COG5: variants seen among roughly 807,000 people sequenced by gnomAD.
COG5 encodes component of oligomeric golgi complex 5, also known as conserved oligomeric Golgi complex subunit 5.
A neutral mutation model predicts 110.4 loss-of-function variants in COG5; 86 were observed. The observed-to-expected ratio is 0.78, with a 90% confidence interval of 0.65 to 0.93. The LOEUF (loss-of-function observed/expected upper bound fraction) is 0.93. COG5 is among the 40% of genes least tolerant of loss of function. COG5 has a pLI of 0.00. For missense variants in COG5, 1,077 were observed against 987.0 expected (o/e 1.09, Z -1.22); for synonymous variants, 360 against 334.6 (o/e 1.08, Z -0.83).
intron 10 of COG5, among the ~76,000 whole-genome samples, chr7:107,331,773 T>C (rs912669108): frequency 1.3e-5 from 2 of 151,728 alleles, no homozygotes; most frequent in African/African-American, 2.4e-5. Context: ...CAAAGAAAGA[T>C]GTGCTCTTTT....
chr7:107,357,523 T>C lies in COG5; in HGVS notation c.1026+4510A>G, dbSNP rs115056496. 4.4e-3 allele frequency among the ~76,000 whole-genome samples: 666 copies of C among 152,320 alleles called. 6 individuals carry two copies. Among genetic ancestry groups the C allele is most frequent in the African/African-American group, 0.016 (651 of 41,574 alleles). Reference sequence around the variant, plus strand: ...ATTCTTAAATAGCGTGAGAATAGTGTCTGAAACAGCAATCTTTAATGGTTT... The same window carrying C: ...ATTCTTAAATAGCGTGAGAATAGTGCCTGAAACAGCAATCTTTAATGGTTT... On this transcript the variant is annotated intron_variant, in intron 10 of 21. Transcript: ENST00000297135.
chr7:107,308,091 T>A (rs1807890685), intron 11 of COG5, among the ~76,000 whole-genome samples: 1 of 152,158 alleles, frequency 6.6e-6, no homozygotes, highest in African/African-American at 2.4e-5. Context: ...AATCTGTAGT[T>A]CTCTCATTTT....
At chr7:107,295,955 T>C (rs978881944) in intron 12 of COG5, among the ~76,000 whole-genome samples, 4 of 152,156 alleles carry the variant, frequency 2.6e-5, no homozygotes, top group Middle Eastern at 3.4e-3. Context: ...CACGCCTACA[T>C]AATTTTTTGT....
At chr7:107,404,880 A>C (rs1276731940) in intron 7 of COG5, among the ~76,000 whole-genome samples, 2 of 147,368 alleles carry the variant, frequency 1.4e-5, no homozygotes, top group East Asian at 3.9e-4. Context: ...GTAATTTCAG[A>C]AGATGAAAAA....
chr7:107,424,891 T>C (rs1238425113), intron 6 of COG5, among the ~76,000 whole-genome samples: 1 of 152,072 alleles, frequency 6.6e-6, no homozygotes, highest in East Asian at 1.9e-4. Flanking sequence ...GTCCAAGCAC[T>C]CCAAAAAATT....
chr7:107,398,764 G>A (rs1272474035), intron 7 of COG5, among the ~76,000 whole-genome samples: 1 of 152,176 alleles, frequency 6.6e-6, no homozygotes, highest in Non-Finnish European at 1.5e-5. Flanking sequence ...TAAGAAGACA[G>A]AAATTATAAT....
At chr7:107,214,490 C>T (rs980684556) in intron 19 of COG5, among the ~76,000 whole-genome samples, 2 of 146,748 alleles carry the variant, frequency 1.4e-5, no homozygotes, top group Admixed American at 6.8e-5. Context: ...ATATAAAAGG[C>T]TGCTAATTTA....
intron 6 of COG5, among the ~76,000 whole-genome samples, chr7:107,494,397 A>G (rs1358229329): frequency 6.6e-6 from 1 of 152,200 alleles, no homozygotes; most frequent in Non-Finnish European, 1.5e-5. Flanking sequence ...AATTAGTAAC[A>G]GTGGTCCCAT....
intron 19 of COG5, among the ~76,000 whole-genome samples, chr7:107,228,953 T>C (rs1800565959): frequency 1.3e-5 from 2 of 152,218 alleles, no homozygotes; most frequent in Admixed American, 1.3e-4. Context: ...TGCTTATTGA[T>C]CCTCTAGTTT....
At position 107,298,208 on chromosome 7, in the gene COG5, T is replaced by G. The variant is rs41276187; in HGVS notation, c.1247A>C (p.Tyr416Ser). The change falls in exon 12 of 22, where the codon TAT (tyrosine) becomes TCT (serine). Residue 416 changes from tyrosine to serine, a missense_variant. By Grantham distance (144) the Tyr-to-Ser change is moderately radical. Transcript: ENST00000297135. ...ATCTTCCATGTGTTGTAGGTCAACA[T>G]AGAGGTCTGTAGTTCCACTTGCATT... ...NFNASGTTDL[Y>S]VDLQHMEDDA... 2 of 1,613,658 alleles carry G rather than the reference T, an allele frequency of 1.2e-6. No homozygotes were observed. The highest frequency in any genetic ancestry group is 1.7e-6 in the Non-Finnish European group (2 of 1,179,800).
chr7:107,330,408 G>A (rs548660321), intron 10 of COG5, among the ~76,000 whole-genome samples: 7 of 152,272 alleles, frequency 4.6e-5, no homozygotes, highest in African/African-American at 1.4e-4. Context: ...TAGAATTATG[G>A]CTTGGCCTTT....
intron 6 of COG5, among the ~76,000 whole-genome samples, chr7:107,432,309 T>C (rs1794078356): frequency 6.6e-6 from 1 of 152,122 alleles, no homozygotes; most frequent in Non-Finnish European, 1.5e-5. Context: ...GTTGAAAAAG[T>C]AAACACAGAG....
chr7:107,412,510 C>A lies in COG5; in HGVS notation c.661G>T (p.Glu221Ter). Residue 221 changes from glutamate (E) to a stop codon, truncating the protein, a stop_gained, in exon 7 of 22, where the codon GAG becomes TAG. Coordinates refer to ENST00000297135, the MANE Select transcript of COG5 (RefSeq NM_006348.5). LOFTEE classifies it high-confidence loss of function. ...AGTCTTATTTTTATTACCTGAGTCT[C>A]CAAACCCTGCTCTAGTAGGCGCTTA... ...QAKRLLEQGL[E>*]TQNPTQVGTA... The A allele has an allele frequency of 6.2e-7, 1 of 1,612,832 alleles. No homozygotes were observed. Among genetic ancestry groups the A allele is most frequent in the Non-Finnish European group, 8.5e-7 (1 of 1,179,604 alleles).
intron 14 of COG5, among the ~76,000 whole-genome samples, chr7:107,274,867 A>T (rs141284666): frequency 5.3e-5 from 8 of 152,226 alleles, no homozygotes; most frequent in African/African-American, 1.9e-4. Flanking sequence ...ACTGACTCTT[A>T]GTCCTGACAG....
chr7:107,264,890 G>A (rs959550586), intron 14 of COG5, among the ~76,000 whole-genome samples: 3 of 152,058 alleles, frequency 2.0e-5, no homozygotes, highest in Non-Finnish European at 2.9e-5. Context: ...AAGTGACACT[G>A]TGAACTGTAA....
At chr7:107,361,446 G>A (rs1228883093) in intron 10 of COG5, among the ~76,000 whole-genome samples, 1 of 152,170 alleles carries the variant, frequency 6.6e-6, no homozygotes, top group Non-Finnish European at 1.5e-5. Flanking sequence ...GCACTTATAA[G>A]CTGTCATTTA....
At chr7:107,332,080 C>T (rs146831094) in intron 10 of COG5, among the ~76,000 whole-genome samples, 243 of 152,200 alleles carry the variant, frequency 1.6e-3, no homozygotes, top group African/African-American at 5.6e-3. Context: ...AACTCCTGAC[C>T]TCATGTGATC....
chr7:107,225,108 A>G (rs973306419), intron 19 of COG5, among the ~76,000 whole-genome samples: 1 of 152,118 alleles, frequency 6.6e-6, no homozygotes, highest in African/African-American at 2.4e-5. Flanking sequence ...TCCAGCTGGC[A>G]CTGTCATCTT....
At chr7:107,346,664 G>C (rs532561935) in intron 10 of COG5, among the ~76,000 whole-genome samples, 230 of 152,000 alleles carry the variant, frequency 1.5e-3, no homozygotes, top group Middle Eastern at 0.01. Flanking sequence ...GCTCACTGCA[G>C]GTTTTCTAAC....
Sources: allele counts gnomAD v4.1 joint callset (sites outside exome capture counted in the v4.1 genomes callset), GRCh38; gene constraint gnomAD v4.1.1; transcripts MANE v1.5; gene names NCBI Gene and HGNC (gene_info 2026-07-23, HGNC 2026-07-21).